The following ANGPT1 variants were observed in gnomAD, a reference collection of about 807,000 sequenced individuals.
ANGPT1 encodes the protein angiopoietin 1.
ANGPT1 carries 17 observed loss-of-function variants against 62.2 expected under a neutral mutation model. That is an observed-to-expected ratio of 0.27 (90% CI 0.19 to 0.41). ANGPT1 has a LOEUF of 0.41. ANGPT1 is among the 10% of genes least tolerant of loss of function. The probability of loss-of-function intolerance (pLI) is 1.00; values close to 1 mark genes in which losing one functional copy is unlikely to be tolerated. For missense variants in ANGPT1, 478 were observed against 594.9 expected, an observed-to-expected ratio of 0.80 and a Z score of 2.04; for synonymous variants, 199 against 198.9, an observed-to-expected ratio of 1.00 and a Z score of 0.00.
In ANGPT1 at chr8:107,275,533, T is replaced by C. The variant is rs1008446766; in HGVS notation, c.1205+9149A>G. Among the ~76,000 whole-genome samples, 37 of 152,204 alleles carry C rather than the reference T, an allele frequency of 2.4e-4. 1 individual carries two copies. The highest frequency in any genetic ancestry group is 1.9e-4 in the East Asian group (1 of 5,198). Reference sequence around the variant, plus strand: ...CTCTTTAGTCACAGCACATTTGTGATTGTAAGTGAACTGACTGTGTTCGTG... The same window carrying C: ...CTCTTTAGTCACAGCACATTTGTGACTGTAAGTGAACTGACTGTGTTCGTG... On this transcript the variant is annotated intron_variant, in intron 7 of 8. Transcript: ENST00000517746.
At chr8:107,387,749 A>G (rs1816758885) in intron 1 of ANGPT1, among the ~76,000 whole-genome samples, 1 of 151,718 alleles carries the variant, frequency 6.6e-6, no homozygotes, top group Non-Finnish European at 1.5e-5. Flanking sequence ...ATGCTATTTA[A>G]AGACTTCATT....
At chr8:107,291,804 G>A (rs1814283071) in intron 6 of ANGPT1, among the ~76,000 whole-genome samples, 1 of 146,934 alleles carries the variant, frequency 6.8e-6, no homozygotes, top group Non-Finnish European at 1.5e-5. Context: ...CACCTAGGTA[G>A]GAAGAGGCCT....
chr8:107,393,732 C>T (rs1816879596), intron 1 of ANGPT1, among the ~76,000 whole-genome samples: 2 of 152,106 alleles, frequency 1.3e-5, no homozygotes, highest in Admixed American at 1.3e-4. Context: ...ATCACTTGAA[C>T]CTGGGAGACG....
intron 1 of ANGPT1, among the ~76,000 whole-genome samples, chr8:107,377,896 A>G (rs1355517994): frequency 6.8e-6 from 1 of 146,700 alleles, no homozygotes; most frequent in African/African-American, 2.5e-5. Context: ...TAAATTTACC[A>G]CCCAAAATAA....
At chr8:107,393,715 C>T (rs752762039) in intron 1 of ANGPT1, among the ~76,000 whole-genome samples, 7 of 152,164 alleles carry the variant, frequency 4.6e-5, no homozygotes, top group African/African-American at 7.2e-5. Flanking sequence ...GAGGCTGAGA[C>T]GAGAGAATCA....
intron 1 of ANGPT1, among the ~76,000 whole-genome samples, chr8:107,400,107 A>G (rs1042814502): frequency 3.3e-5 from 5 of 152,194 alleles, no homozygotes; most frequent in Admixed American, 6.5e-5. Flanking sequence ...CTGAGGTAGG[A>G]CAGTGATCTT....
chr8:107,289,077 G>A (rs1282892695), intron 6 of ANGPT1, among the ~76,000 whole-genome samples: 1 of 152,114 alleles, frequency 6.6e-6, no homozygotes, highest in Non-Finnish European at 1.5e-5. Context: ...TAAAAATGAT[G>A]TTTAATGATG....
intron 1 of ANGPT1, among the ~76,000 whole-genome samples, chr8:107,454,928 A>G (rs1811877509): frequency 1.3e-5 from 2 of 152,038 alleles, no homozygotes; most frequent in South Asian, 4.1e-4. Context: ...ACTTCCTCAA[A>G]ACATTGCCTG....
chr8:107,256,164 A>G (rs533258749), intron 8 of ANGPT1, among the ~76,000 whole-genome samples: 11 of 152,336 alleles, frequency 7.2e-5, no homozygotes, highest in Non-Finnish European at 1.5e-4. Context: ...AATAAAGATG[A>G]TGAATTAAGA....
intron 1 of ANGPT1, among the ~76,000 whole-genome samples, chr8:107,397,669 G>A (rs533519043): frequency 1.3e-5 from 2 of 152,206 alleles, no homozygotes; most frequent in South Asian, 4.2e-4. Context: ...GTGGTCAAAA[G>A]AACCATTTGG....
chr8:107,286,931 A>C (rs1036840020), intron 6 of ANGPT1, among the ~76,000 whole-genome samples: 2 of 152,208 alleles, frequency 1.3e-5, no homozygotes, highest in Admixed American at 6.5e-5. Flanking sequence ...TCTCCAAAGC[A>C]TAAACAAAAC....
chr8:107,305,271 G>A (rs1379031483), intron 4 of ANGPT1, among the ~76,000 whole-genome samples: 1 of 151,930 alleles, frequency 6.6e-6, no homozygotes, highest in Non-Finnish European at 1.5e-5. Flanking sequence ...GTGGTCAGCA[G>A]GAACCCAACG....
chr8:107,479,063 G>A (rs974221025), intron 1 of ANGPT1, among the ~76,000 whole-genome samples: 1 of 151,912 alleles, frequency 6.6e-6, no homozygotes, highest in African/African-American at 2.4e-5. Context: ...TGTCTTAACG[G>A]TTCTGCCACT....
Position 107,250,035 on chromosome 8 carries a change from C to T in ANGPT1, c.*1820G>A, listed in dbSNP as rs1813213942. The T allele has an allele frequency of 6.6e-6, 1 of 152,364 alleles. No homozygotes were observed. Among genetic ancestry groups the T allele is most frequent in the African/African-American group, 2.4e-5 (1 of 41,370 alleles). 9.4% of individuals were successfully genotyped at this position (152,364 alleles called of 1,614,324 possible). A position where few individuals can be genotyped will look rare whatever the true frequency, so the allele number is the denominator to read the frequency against. ...TACAGACACATAAATATAAAAAAGA[C>T]TTGATGGTAAACTTTAAAAAGTATT... On this transcript the variant is annotated 3_prime_UTR_variant, in exon 9 of 9. Transcript: ENST00000517746.
At chr8:107,441,854 G>T (rs973094169) in intron 1 of ANGPT1, among the ~76,000 whole-genome samples, 2 of 152,114 alleles carry the variant, frequency 1.3e-5, no homozygotes, top group Non-Finnish European at 2.9e-5. Context: ...GGGAGGCCGA[G>T]GTGGGTAGAT....
In ANGPT1 at chr8:107,306,709, T is replaced by A. The variant is rs188931461; in HGVS notation, c.809-3342A>T. Among the ~76,000 whole-genome samples, 354 of 151,878 alleles carry A rather than the reference T, an allele frequency of 2.3e-3. 2 individuals are homozygous for A. The highest frequency in any genetic ancestry group is 3.7e-3 in the Non-Finnish European group (253 of 67,924). On this transcript the variant is annotated intron_variant, in intron 4 of 8. Coordinates refer to ENST00000517746, the MANE Select transcript of ANGPT1 (RefSeq NM_001146.5). ...GCTTCAGTTAGATAGAAGATAGAAA[T>A]TGGAGGAATATTTAGTAAATGACAC...
intron 2 of ANGPT1, among the ~76,000 whole-genome samples, chr8:107,345,480 A>C (rs1413005309): frequency 6.6e-6 from 1 of 152,134 alleles, no homozygotes; most frequent in Non-Finnish European, 1.5e-5. Context: ...CCCAAGACAC[A>C]GTGTTTTAGG....
In ANGPT1 at chr8:107,497,684, C is replaced by A. The variant is rs1403682111; in HGVS notation, c.-126G>T. On this transcript the variant is annotated 5_prime_UTR_variant, in exon 1 of 9. Transcript: ENST00000517746. ...TTGACTCTTTCCCCCTCAAAGAAAG[C>A]GTTTGAAGAAGAATCATAGAAAACT... 1 of 1,070,728 alleles carries A rather than the reference C, an allele frequency of 9.3e-7. No individual in the cohort carries two copies. Among genetic ancestry groups the A allele is most frequent in the Non-Finnish European group, 1.3e-6 (1 of 774,184 alleles). The allele number at this position is 1,070,728 out of a possible 1,614,324, so 66.3% of individuals were successfully genotyped here.
rs151286524 is a variant in ANGPT1 at position 107,257,878 on chromosome 8, T to TTTTTG, written c.1337-5864_1337-5863insCAAAA. Among the ~76,000 whole-genome samples, 25 of 85,656 alleles carry TTTTTG rather than the reference T, an allele frequency of 2.9e-4. 2 individuals carry two copies. Among genetic ancestry groups the TTTTTG allele is most frequent in the African/African-American group, 9.8e-4 (19 of 19,450 alleles). 56.2% of individuals were successfully genotyped at this position (85,656 alleles called of 152,430 possible). On this transcript the variant is annotated intron_variant, in intron 8 of 8. Transcript: ENST00000517746. ...CTTCAGGCCAAGGACTTGTTTTTGT[T>TTTTTG]TCTTTTTTGTTTGTTTGTTTGTTTG...
Sources: gnomAD v4.1 joint callset for allele counts (sites outside exome capture counted in the v4.1 genomes callset) on GRCh38, gnomAD v4.1.1 for gene constraint, MANE v1.5 for transcripts, NCBI Gene and HGNC (gene_info 2026-07-23, HGNC 2026-07-21) for gene names.